FRMD5: variants seen among roughly 807,000 people sequenced by gnomAD.
FRMD5 encodes the protein FERM domain-containing protein 5.
A neutral mutation model predicts 69.0 loss-of-function variants in FRMD5; 20 were observed. The ratio of observed to expected loss-of-function variants is 0.29; its 90% CI spans 0.20 to 0.42. The LOEUF (loss-of-function observed/expected upper bound fraction) is 0.42, where lower values mean the gene tolerates loss of function less well. Ranked by LOEUF, FRMD5 falls within the 10% of genes least tolerant of loss-of-function variation. The pLI, the probability that FRMD5 is intolerant of heterozygous loss-of-function variation, is 1.00. For synonymous variants in FRMD5, 271 were observed against 260.1 expected (o/e 1.04, Z -0.40); for missense variants, 595 against 708.6 (o/e 0.84, Z 1.82).
chr15:43,970,022 G>C (rs2090351655), intron 1 of FRMD5, among the ~76,000 whole-genome samples: 1 of 152,186 alleles, frequency 6.6e-6, no homozygotes, highest in Non-Finnish European at 1.5e-5. Flanking sequence ...AACTGCATTT[G>C]ACAAAATGCA....
intron 1 of FRMD5, among the ~76,000 whole-genome samples, chr15:44,090,089 T>C (rs762982297): frequency 5.3e-5 from 8 of 152,172 alleles, no homozygotes; most frequent in Non-Finnish European, 8.8e-5. Context: ...GAGCTCCTAC[T>C]TGAATTCCCA....
At chr15:43,975,294 A>G (rs901862873) in intron 1 of FRMD5, among the ~76,000 whole-genome samples, 6 of 152,240 alleles carry the variant, frequency 3.9e-5, no homozygotes, top group African/African-American at 1.4e-4. Flanking sequence ...ATTTGCCTCA[A>G]TATCTAAATT....
intron 1 of FRMD5, among the ~76,000 whole-genome samples, chr15:44,155,097 A>G (rs1482830413): frequency 1.3e-5 from 2 of 152,184 alleles, no homozygotes; most frequent in African/African-American, 4.8e-5. Flanking sequence ...GGATAATAAC[A>G]TGTGTTGGTG....
chr15:43,999,534 C>T (rs1890086133), intron 1 of FRMD5, among the ~76,000 whole-genome samples: 1 of 152,092 alleles, frequency 6.6e-6, no homozygotes, highest in Admixed American at 6.5e-5. Context: ...TATATTCGGT[C>T]TCCACAATTT....
rs191886390 is a variant in FRMD5, at chr15:44,148,272, A to G, written c.102+46681T>C. On this transcript the variant is annotated intron_variant, in intron 1 of 13. Transcript: ENST00000417257. Reference sequence around the variant, plus strand: ...CTTTGCTTTCTTGTGCTTCACAGATATTACTTTTTTTTTTTTTGAGACGGA... The same window carrying G: ...CTTTGCTTTCTTGTGCTTCACAGATGTTACTTTTTTTTTTTTTGAGACGGA... Among the ~76,000 whole-genome samples, 83 of 151,740 alleles carry G rather than the reference A, an allele frequency of 5.5e-4. 1 individual carries two copies. The highest frequency in any genetic ancestry group is 3.6e-3 in the Admixed American group (55 of 15,248).
intron 1 of FRMD5, among the ~76,000 whole-genome samples, chr15:44,154,364 T>TA (rs964914730): frequency 8.1e-5 from 12 of 148,594 alleles, no homozygotes; most frequent in African/African-American, 1.7e-4. Flanking sequence ...GAAAAAACTT[T>TA]AAAAAAAAAA....
At chr15:43,996,044 C>T (rs1013962510) in intron 1 of FRMD5, among the ~76,000 whole-genome samples, 2 of 152,172 alleles carry the variant, frequency 1.3e-5, no homozygotes, top group African/African-American at 4.8e-5. Flanking sequence ...AAGGTGATGG[C>T]TTGGTGCCTG....
intron 1 of FRMD5, among the ~76,000 whole-genome samples, chr15:44,113,378 CTTTG>C (rs1156311318): frequency 2.0e-5 from 3 of 152,118 alleles, no homozygotes; most frequent in Non-Finnish European, 4.4e-5. Context: ...TACTTAATAG[CTTTG>C]TTTTTCACTT....
intron 4 of FRMD5, among the ~76,000 whole-genome samples, chr15:43,914,691 C>T (rs2089350132): frequency 6.7e-6 from 1 of 149,270 alleles, no homozygotes; most frequent in Non-Finnish European, 1.5e-5. Context: ...CTGTTTCATT[C>T]AGTCCTCCCA....
At chr15:44,172,175 C>T (rs1382201453) in intron 1 of FRMD5, among the ~76,000 whole-genome samples, 1 of 151,822 alleles carries the variant, frequency 6.6e-6, no homozygotes, top group South Asian at 2.1e-4. Context: ...ACGGCAGCCT[C>T]GACCTCCTGG....
At chr15:43,992,136 A>T (rs901126048) in intron 1 of FRMD5, among the ~76,000 whole-genome samples, 3 of 152,232 alleles carry the variant, frequency 2.0e-5, no homozygotes, top group Non-Finnish European at 4.4e-5. Context: ...AATATTCTCC[A>T]CTAATGAGTC....
intron 1 of FRMD5, among the ~76,000 whole-genome samples, chr15:43,939,063 GT>G (rs2089815607): frequency 6.6e-6 from 1 of 151,552 alleles, no homozygotes; most frequent in Non-Finnish European, 1.5e-5. Flanking sequence ...TAGAGATGGA[GT>G]TTCCCCATGT....
intron 13 of FRMD5, chr15:43,879,524 T>C (rs752269041): frequency 1.9e-4 from 74 of 398,978 alleles, no homozygotes; most frequent in Non-Finnish European, 3.0e-4. Context: ...GCTGATTCCC[T>C]TGCCCGGGGG....
chr15:44,057,741 G>A (rs1036785510), intron 1 of FRMD5, among the ~76,000 whole-genome samples: 1 of 152,134 alleles, frequency 6.6e-6, no homozygotes, highest in African/African-American at 2.4e-5. Context: ...GCTATAATTG[G>A]TTCTGTTATT....
intron 1 of FRMD5, among the ~76,000 whole-genome samples, chr15:44,095,488 A>G (rs1185479267): frequency 6.6e-6 from 1 of 152,166 alleles, no homozygotes; most frequent in Non-Finnish European, 1.5e-5. Flanking sequence ...TACAGGTGTG[A>G]GCCAACACGC....
At chr15:44,038,017 T>C (rs1014012881) in intron 1 of FRMD5, among the ~76,000 whole-genome samples, 9 of 152,248 alleles carry the variant, frequency 5.9e-5, no homozygotes, top group East Asian at 3.8e-4. Flanking sequence ...TGTTATCTCA[T>C]TGAGGTTTTG....
chr15:44,029,922 G>A (rs1264921785), intron 1 of FRMD5, among the ~76,000 whole-genome samples: 2 of 152,148 alleles, frequency 1.3e-5, no homozygotes, highest in African/African-American at 4.8e-5. Flanking sequence ...TGAATGAAAA[G>A]CCTCTTTGAA....
chr15:44,111,948 A>G (rs968735932), intron 1 of FRMD5, among the ~76,000 whole-genome samples: 1 of 150,274 alleles, frequency 6.7e-6, no homozygotes, highest in African/African-American at 2.5e-5. Flanking sequence ...GGTTCACGCC[A>G]TTCTCCTGCC....
intron 1 of FRMD5, among the ~76,000 whole-genome samples, chr15:44,127,321 A>G (rs1450545238): frequency 1.3e-5 from 2 of 152,180 alleles, no homozygotes; most frequent in Admixed American, 1.3e-4. Context: ...CAGACTCCTG[A>G]CCTCAAGTGA....
Sources: gnomAD v4.1 joint callset for allele counts (sites outside exome capture counted in the v4.1 genomes callset) on GRCh38, gnomAD v4.1.1 for gene constraint, MANE v1.5 for transcripts, NCBI Gene and HGNC (gene_info 2026-07-23, HGNC 2026-07-21) for gene names.